ADAMTS19: variants seen among roughly 807,000 people sequenced by gnomAD.
The protein encoded by ADAMTS19 is ADAM metallopeptidase with thrombospondin type 1 motif 19, also known as A disintegrin and metalloproteinase with thrombospondin motifs 19.
In ADAMTS19, 93 loss-of-function variants were observed where a neutral mutation model predicts 153.3. That is an observed-to-expected ratio of 0.61 (90% CI 0.51 to 0.72). ADAMTS19 has a LOEUF of 0.72. ADAMTS19 is among the 30% of genes least tolerant of loss of function. The pLI, the probability that ADAMTS19 is intolerant of heterozygous loss-of-function variation, is 0.00. For synonymous variants in ADAMTS19, 600 were observed against 556.6 expected, an observed-to-expected ratio of 1.08 and a Z score of -1.10; for missense variants, 1,482 against 1,552.1, an observed-to-expected ratio of 0.95 and a Z score of 0.76.
At chr5:129,537,068 A>T (rs7726690) in intron 6 of ADAMTS19, among the ~76,000 whole-genome samples, 9,071 of 103,414 alleles carry the variant, frequency 0.088, 419 homozygotes, top group African/African-American at 0.25. Flanking sequence ...ATAATAATTT[A>T]AAAAAAAGAA....
chr5:129,677,828 C>T (rs918918173), intron 16 of ADAMTS19, among the ~76,000 whole-genome samples: 2 of 151,976 alleles, frequency 1.3e-5, no homozygotes, highest in African/African-American at 4.8e-5. Flanking sequence ...CCCCCCACCC[C>T]GCCAGACCAC....
intron 10 of ADAMTS19, among the ~76,000 whole-genome samples, chr5:129,638,726 G>T (rs778454615): frequency 2.0e-5 from 3 of 152,056 alleles, no homozygotes; most frequent in Non-Finnish European, 4.4e-5. Context: ...AGAGAGTAAT[G>T]CAGGGAAAAG....
At chr5:129,537,860 G>A (rs1459494463) in intron 6 of ADAMTS19, among the ~76,000 whole-genome samples, 1 of 151,822 alleles carries the variant, frequency 6.6e-6, no homozygotes, top group Non-Finnish European at 1.5e-5. Flanking sequence ...ACACCAACAT[G>A]GCACATGTAT....
In ADAMTS19 at chr5:129,706,296, G is replaced by A. The variant is rs540157402; in HGVS notation, c.3312+1905G>A. Among the ~76,000 whole-genome samples, 222 of 152,294 alleles carry A rather than the reference G, an allele frequency of 1.5e-3. 1 individual carries two copies. Among genetic ancestry groups the A allele is most frequent in the Non-Finnish European group, 2.1e-3 (145 of 68,008 alleles). On this transcript the variant is annotated intron_variant, in intron 21 of 22. Coordinates refer to ENST00000274487, the MANE Select transcript of ADAMTS19 (RefSeq NM_133638.6). ...AGAAAAATTTAAATGTAGGCCAGCC[G>A]CAGTGGCTCACGCCTGTAATCCCAG...
At chr5:129,667,114 A>G (rs1354594288) in intron 16 of ADAMTS19, among the ~76,000 whole-genome samples, 1 of 152,122 alleles carries the variant, frequency 6.6e-6, no homozygotes, top group Non-Finnish European at 1.5e-5. Context: ...CATGTTGACA[A>G]ATCCAATGTT....
In ADAMTS19 at chr5:129,553,825, C is replaced by T. The variant is rs1753219218; in HGVS notation, c.1372+1918C>T. On this transcript the variant is annotated intron_variant, in intron 7 of 22. Coordinates refer to ENST00000274487, the MANE Select transcript of ADAMTS19 (RefSeq NM_133638.6). The stretch of plus-strand genomic sequence containing the variant: ...AACCAAGTCAAATTAATCTGTTTCA[C>T]CCAAACCCCACAAAAACCTTCTTGT... Among the ~76,000 whole-genome samples the T allele has an allele frequency of 2.6e-5, 4 of 152,076 alleles. No individual in the cohort carries two copies. The South Asian group carries it at 8.3e-4, about 31-fold the overall frequency.
intron 16 of ADAMTS19, among the ~76,000 whole-genome samples, chr5:129,675,334 A>G (rs1167478341): frequency 6.6e-6 from 1 of 152,204 alleles, no homozygotes; most frequent in African/African-American, 2.4e-5. Flanking sequence ...AATGTCTTCA[A>G]ATAATTTGTA....
chr5:129,474,351 G>A (rs1199778527), intron 2 of ADAMTS19, among the ~76,000 whole-genome samples: 1 of 152,074 alleles, frequency 6.6e-6, no homozygotes, highest in Non-Finnish European at 1.5e-5. Context: ...TATGAATAAT[G>A]CTACTATAGA....
At chr5:129,598,312 C>T (rs1750480150) in intron 8 of ADAMTS19, among the ~76,000 whole-genome samples, 3 of 152,116 alleles carry the variant, frequency 2.0e-5, no homozygotes, top group Non-Finnish European at 4.4e-5. Flanking sequence ...TATGGTACAC[C>T]CAGCTCACTT....
chr5:129,592,094 T>C (rs1750163915), intron 7 of ADAMTS19, among the ~76,000 whole-genome samples: 1 of 152,100 alleles, frequency 6.6e-6, no homozygotes, highest in Non-Finnish European at 1.5e-5. Flanking sequence ...TAAAAAAAAT[T>C]GAGCTGGGTG....
chr5:129,638,547 T>G (rs1752630711), intron 10 of ADAMTS19, among the ~76,000 whole-genome samples: 1 of 147,788 alleles, frequency 6.8e-6, no homozygotes, highest in Admixed American at 7.0e-5. Context: ...TTTCCTATTT[T>G]AGTACTCTCT....
chr5:129,529,747 A>T (rs985186523), intron 6 of ADAMTS19, among the ~76,000 whole-genome samples: 1 of 152,188 alleles, frequency 6.6e-6, no homozygotes, highest in Non-Finnish European at 1.5e-5. Flanking sequence ...GAGAGGTGCC[A>T]TGAAGTACGT....
At chr5:129,492,992 A>C (rs1750816841) in intron 2 of ADAMTS19, among the ~76,000 whole-genome samples, 1 of 152,302 alleles carries the variant, frequency 6.6e-6, no homozygotes, top group Admixed American at 6.5e-5. Flanking sequence ...ACTCATAATC[A>C]GATCTTCTCT....
intron 13 of ADAMTS19, among the ~76,000 whole-genome samples, chr5:129,649,912 T>A (rs1753239405): frequency 6.6e-6 from 1 of 152,222 alleles, no homozygotes. Context: ...GCAAGGTGGC[T>A]CACACCTGTA....
intron 8 of ADAMTS19, among the ~76,000 whole-genome samples, chr5:129,616,610 A>T (rs1025850182): frequency 5.9e-5 from 9 of 152,074 alleles, no homozygotes; most frequent in African/African-American, 2.2e-4. Context: ...GAGAAGTTTT[A>T]TAAGATAAAA....
At position 129,660,990 on chromosome 5, in the gene ADAMTS19, T is replaced by C. The variant is rs1753792499; in HGVS notation, c.2425+2253T>C. On this transcript the variant is annotated intron_variant, in intron 15 of 22. Coordinates refer to ENST00000274487, the MANE Select transcript of ADAMTS19 (RefSeq NM_133638.6). ...ACAGCCTCCGCCACACACACCCACATCTGGAATTTCCAAATGTGTATCGAT... is the reference window on the plus strand; with the variant it reads ...ACAGCCTCCGCCACACACACCCACACCTGGAATTTCCAAATGTGTATCGAT... 2.6e-5 allele frequency among the ~76,000 whole-genome samples: 4 copies of C among 152,238 alleles called. No homozygotes were observed. The South Asian group carries it at 8.3e-4, about 32-fold the overall frequency.
At chr5:129,643,649 T>C (rs534334282) in intron 11 of ADAMTS19, among the ~76,000 whole-genome samples, 1 of 152,306 alleles carries the variant, frequency 6.6e-6, no homozygotes, top group Admixed American at 6.5e-5. Context: ...TAGAAATATT[T>C]TATCACTATA....
intron 6 of ADAMTS19, among the ~76,000 whole-genome samples, chr5:129,540,608 A>G (rs1358212203): frequency 6.6e-6 from 1 of 152,096 alleles, no homozygotes; most frequent in African/African-American, 2.4e-5. Flanking sequence ...TGCCATTGGC[A>G]AGTAAGAGAA....
intron 2 of ADAMTS19, among the ~76,000 whole-genome samples, chr5:129,497,269 C>A (rs1471759942): frequency 8.6e-5 from 13 of 152,016 alleles, no homozygotes; most frequent in Non-Finnish European, 1.9e-4. Context: ...CTCACTAGCC[C>A]TTCCTCCACA....
Sources: allele counts gnomAD v4.1 joint callset (sites outside exome capture counted in the v4.1 genomes callset), GRCh38; gene constraint gnomAD v4.1.1; transcripts MANE v1.5; gene names NCBI Gene and HGNC (gene_info 2026-07-23, HGNC 2026-07-21).